Variants in RFX7 observed in about 807,000 individuals in gnomAD.
RFX7 encodes the protein DNA-binding protein RFX7.
Under a neutral mutation model 111.8 loss-of-function variants are expected in RFX7, and 26 were observed. The ratio of observed to expected loss-of-function variants is 0.23; its 90% CI spans 0.17 to 0.32. The LOEUF is 0.32. Ranked by LOEUF, RFX7 falls within the 10% of genes least tolerant of loss-of-function variation. The pLI is 1.00. For missense variants in RFX7, 1,573 were observed against 1,772.9 expected (o/e 0.89, Z 2.02); for synonymous variants, 624 against 624.4 (o/e 1.00, Z 0.01).
chr15:56,147,290 C>A (rs2042490776), intron 3 of RFX7, among the ~76,000 whole-genome samples: 1 of 152,072 alleles, frequency 6.6e-6, no homozygotes, highest in East Asian at 1.9e-4. Context: ...ATACATGCTA[C>A]AACATGGATG....
chr15:56,097,141 G>A (rs1300205009), intron 9 of RFX7, among the ~76,000 whole-genome samples: 1 of 152,010 alleles, frequency 6.6e-6, no homozygotes, highest in African/African-American at 2.4e-5. Flanking sequence ...TTAATAACAC[G>A]ATGATGATAA....
chr15:56,114,336 G>A (rs756532381), intron 5 of RFX7, among the ~76,000 whole-genome samples: 40 of 151,128 alleles, frequency 2.6e-4, no homozygotes, highest in Non-Finnish European at 4.4e-4. Flanking sequence ...GCTTTAACCC[G>A]GGAGGTGGAG....
At chr15:56,240,874 T>C (rs1385381418) in intron 2 of RFX7, among the ~76,000 whole-genome samples, 1 of 152,156 alleles carries the variant, frequency 6.6e-6, no homozygotes, top group Admixed American at 6.5e-5. Flanking sequence ...ACATATATAC[T>C]ATTTCTTAGG....
chr15:56,134,837 C>T (rs1343572514), intron 5 of RFX7, among the ~76,000 whole-genome samples: 2 of 151,928 alleles, frequency 1.3e-5, no homozygotes, highest in Non-Finnish European at 2.9e-5. Context: ...ATTGTTCAAT[C>T]CCCACCTATG....
chr15:56,205,621 C>A (rs1282871171), intron 2 of RFX7, among the ~76,000 whole-genome samples: 4 of 152,186 alleles, frequency 2.6e-5, no homozygotes, highest in Non-Finnish European at 5.9e-5. Context: ...ACCAATTCTA[C>A]ACATTCCTTT....
At chr15:56,149,574 G>A (rs937869232) in intron 3 of RFX7, among the ~76,000 whole-genome samples, 2 of 152,158 alleles carry the variant, frequency 1.3e-5, no homozygotes, top group South Asian at 2.1e-4. Context: ...AGGGTGGGGC[G>A]TCACTTCACC....
chr15:56,134,629 T>A (rs1227552917), intron 5 of RFX7, among the ~76,000 whole-genome samples: 278 of 150,222 alleles, frequency 1.9e-3, no homozygotes, highest in African/African-American at 5.8e-3. Flanking sequence ...TTTTTTTTTT[T>A]TTATTATACT....
At position 56,093,619 on chromosome 15, in the gene RFX7, G is replaced by A. The variant is rs775721441; in HGVS notation, c.4109C>T (p.Ala1370Val). The part of the protein sequence containing the change: ...QTNQQLVGQG[A>V]SDLTNTASDF... Reference sequence around the variant, plus strand: ...AGATGCAGTATTAGTGAGATCAGATGCTCCCTGACCTACCAGCTGCTGGTT... The same window carrying A: ...AGATGCAGTATTAGTGAGATCAGATACTCCCTGACCTACCAGCTGCTGGTT... Residue 1370 changes from alanine (A) to valine (V), a missense_variant, in exon 10 of 10, where the codon GCA (alanine) becomes GTA (valine). Transcript: ENST00000559447. The A allele has an allele frequency of 5.6e-6, 9 of 1,613,760 alleles. No individual in the cohort carries two copies. Among genetic ancestry groups the A allele is most frequent in the Non-Finnish European group, 7.6e-6 (9 of 1,179,802 alleles).
intron 5 of RFX7, among the ~76,000 whole-genome samples, chr15:56,106,128 A>C (rs1410089122): frequency 6.6e-6 from 1 of 152,190 alleles, no homozygotes; most frequent in Non-Finnish European, 1.5e-5. Flanking sequence ...AGTAATTTAA[A>C]AGAGCTCACG....
intron 5 of RFX7, among the ~76,000 whole-genome samples, chr15:56,125,732 A>G (rs12438452): frequency 0.067 from 10,157 of 152,024 alleles, 448 homozygotes; most frequent in Admixed American, 0.11. Context: ...AAAAAGCATG[A>G]TATTTTTCCA....
chr15:56,244,559 G>A (rs1169513133), upstream of RFX7, among the ~76,000 whole-genome samples: 3 of 151,996 alleles, frequency 2.0e-5, no homozygotes, highest in African/African-American at 7.3e-5. Flanking sequence ...CTTTGCTCAT[G>A]CTGTTCCCCT....
intron 5 of RFX7, among the ~76,000 whole-genome samples, chr15:56,123,875 T>A (rs1258600910): frequency 6.6e-6 from 1 of 152,138 alleles, no homozygotes; most frequent in East Asian, 1.9e-4. Context: ...CTGCACTCTC[T>A]CTCCTGCAAG....
intron 5 of RFX7, among the ~76,000 whole-genome samples, chr15:56,135,633 G>C (rs1243885830): frequency 6.6e-6 from 1 of 152,012 alleles, no homozygotes; most frequent in Non-Finnish European, 1.5e-5. Context: ...GATCCCATTT[G>C]TCAATTTTGG....
At chr15:56,227,909 C>G (rs1034546766) in intron 2 of RFX7, among the ~76,000 whole-genome samples, 3 of 152,078 alleles carry the variant, frequency 2.0e-5, no homozygotes, top group Non-Finnish European at 2.9e-5. Flanking sequence ...TTGACAAATT[C>G]CAAGTTTTGT....
Position 56,243,182 on chromosome 15 carries a change from G to A in RFX7, c.104C>T (p.Pro35Leu). 7.4e-7 allele frequency: 1 copy of A among 1,354,510 alleles called. No homozygotes were observed. The highest frequency in any genetic ancestry group is 9.8e-7 in the Non-Finnish European group (1 of 1,016,254). The allele number at this position is 1,354,510 out of a possible 1,614,324, so 83.9% of individuals were successfully genotyped here. ...NSGVALPALV[P>L]GLPGTEASAL... Reference sequence around the variant, plus strand: ...GCTGGCCTCTGTCCCTGGCAGCCCGGGCACAAGGGCTGGCAGGGCCACCCC... The same window carrying A: ...GCTGGCCTCTGTCCCTGGCAGCCCGAGCACAAGGGCTGGCAGGGCCACCCC... Residue 35 changes from proline (P) to leucine (L), a missense_variant, in exon 2 of 10, where the codon CCC (proline) becomes CTC (leucine). Physicochemically the swap from Pro to Leu is moderately conservative, Grantham distance 98 (BLOSUM62 -3). Around this residue, in one of 7 missense-constraint regions of RFX7, gnomAD observed 191 missense variants for 194.2 expected, o/e 0.98. Coordinates refer to ENST00000559447, the MANE Select transcript of RFX7 (RefSeq NM_022841.7).
At position 56,196,503 on chromosome 15, in the gene RFX7, T is replaced by G. The variant is rs1026468070; in HGVS notation, c.162-17200A>C. Among the ~76,000 whole-genome samples, 2 of 152,094 alleles carry G rather than the reference T, an allele frequency of 1.3e-5. 1 individual carries two copies. The highest frequency in any genetic ancestry group is 4.8e-5 in the African/African-American group (2 of 41,390). On this transcript the variant is annotated intron_variant, in intron 2 of 9. Coordinates refer to ENST00000559447, the MANE Select transcript of RFX7 (RefSeq NM_022841.7). ...GAAGTTTATCTATTTTGATACATTC[T>G]AGTTTACCCATTTTAACTGTTACAT...
intron 2 of RFX7, among the ~76,000 whole-genome samples, chr15:56,198,772 C>CT (rs1399438500): frequency 6.6e-6 from 1 of 152,088 alleles, no homozygotes; most frequent in Non-Finnish European, 1.5e-5. Flanking sequence ...ATAAGATTAG[C>CT]TATGAAACTA....
intron 5 of RFX7, among the ~76,000 whole-genome samples, chr15:56,118,907 A>C (rs1310102424): frequency 6.6e-6 from 1 of 151,480 alleles, no homozygotes; most frequent in Non-Finnish European, 1.5e-5. Context: ...GTGAGACTAT[A>C]TATTGTTGTT....
chr15:56,217,049 A>T (rs1381261734), intron 2 of RFX7, among the ~76,000 whole-genome samples: 1 of 152,228 alleles, frequency 6.6e-6, no homozygotes, highest in Non-Finnish European at 1.5e-5. Context: ...AACAAAAAAA[A>T]TTAGAAAGAA....
Sources: allele counts gnomAD v4.1 joint callset (sites outside exome capture counted in the v4.1 genomes callset), GRCh38; gene constraint gnomAD v4.1.1; regional missense constraint gnomAD v4.1.1; transcripts MANE v1.5; gene names NCBI Gene and HGNC (gene_info 2026-07-23, HGNC 2026-07-21).